The following QSER1 variants were observed in gnomAD, a reference collection of about 807,000 sequenced individuals.
The protein encoded by QSER1 is glutamine and serine-rich protein 1.
A neutral mutation model predicts 158.5 loss-of-function variants in QSER1; 49 were observed. That is an observed-to-expected ratio of 0.31 (90% CI 0.25 to 0.39). The LOEUF (loss-of-function observed/expected upper bound fraction) is 0.39, where lower values mean the gene tolerates loss of function less well. Among genes scored for constraint, QSER1 ranks in the 10% least tolerant of loss-of-function variants. The pLI is 1.00. For missense variants in QSER1, 1,754 were observed against 2,010.3 expected (o/e 0.87, Z 2.44); for synonymous variants, 650 against 715.5 (o/e 0.91, Z 1.46).
chr11:32,903,887 C>T (rs1851656050), intron 1 of QSER1, among the ~76,000 whole-genome samples: 1 of 152,170 alleles, frequency 6.6e-6, no homozygotes, highest in African/African-American at 2.4e-5. Context: ...GCTGGGATTA[C>T]AGGCATGAAC....
Position 32,933,739 on chromosome 11 carries a change from A to G in QSER1, c.2481A>G (p.Ile827Met). ...AGGTCCAGGAACAGCACGATCAAAT[A>G]ATTAATGCTTCATCTCAGATTCAAA... ...ESKVQEQHDQ[I>M]INASSQIQIP... The change falls in exon 4 of 13, where the codon ATA (isoleucine) becomes ATG (methionine). Residue 827 changes from isoleucine to methionine, a missense_variant. By Grantham distance (10) the Ile-to-Met change is conservative. Around this residue, in one of 2 missense-constraint regions of QSER1, gnomAD observed 1,707 missense variants for 1,919.6 expected, o/e 0.89. Transcript: ENST00000650167. 6.2e-7 allele frequency: 1 copy of G among 1,614,032 alleles called. No individual in the cohort carries two copies. Among genetic ancestry groups the G allele is most frequent in the Non-Finnish European group, 8.5e-7 (1 of 1,179,956 alleles).
rs1213482747 is a variant in QSER1 at position 32,932,893 on chromosome 11, T to C, written c.1635T>C (p.Asp545=). Residue 545 remains aspartate, a synonymous_variant, in exon 4 of 13, where the codon GAT becomes GAC. Transcript: ENST00000650167. The part of the protein sequence containing the change: ...TNENYPAQTR[D]LSSVSQSQSY... ...AGAATTACCCTGCTCAAACAAGAGA[T>C]CTGTCTTCAGTAAGTCAGTCTCAAA... is the stretch of plus-strand genomic sequence containing the variant. 3 of 1,613,988 alleles carry C rather than the reference T, an allele frequency of 1.9e-6. No individual in the cohort carries two copies. In the African/African-American group the frequency reaches 4.0e-5, roughly 22 times the overall value.
At chr11:32,971,696 G>A (rs905547685) in intron 10 of QSER1, among the ~76,000 whole-genome samples, 2 of 152,094 alleles carry the variant, frequency 1.3e-5, no homozygotes, top group African/African-American at 4.8e-5. Flanking sequence ...AAGTGTTATT[G>A]TTTCTATCAA....
At chr11:32,927,686 C>T (rs1590728784) in intron 2 of QSER1, among the ~76,000 whole-genome samples, 1 of 152,238 alleles carries the variant, frequency 6.6e-6, no homozygotes, top group South Asian at 2.1e-4. Context: ...GGATTACAGG[C>T]ATGAGCCGCC....
chr11:32,972,986 T>C (rs1170928614), intron 10 of QSER1, among the ~76,000 whole-genome samples: 1 of 152,202 alleles, frequency 6.6e-6, no homozygotes, highest in East Asian at 1.9e-4. Flanking sequence ...GTTTAAGTGG[T>C]AGGGCTTTAG....
chr11:32,947,220 G>A (rs1377843384), intron 4 of QSER1, among the ~76,000 whole-genome samples: 7 of 152,152 alleles, frequency 4.6e-5, no homozygotes, highest in South Asian at 4.1e-4. Flanking sequence ...GCTGTAGACC[G>A]GAGCTGTTCC....
chr11:32,934,006 T>C lies in QSER1; in HGVS notation c.2748T>C (p.His916=), dbSNP rs1028141552. 2.5e-6 allele frequency: 4 copies of C among 1,613,550 alleles called. No homozygotes were observed. The African/African-American group carries it at 4.0e-5, about 16-fold the overall frequency. Residue 916 remains histidine (H), a synonymous_variant, in exon 4 of 13, where the codon CAT becomes CAC. Transcript: ENST00000650167. The stretch of plus-strand genomic sequence containing the variant: ...GTGATCATTCTCAGCAGCAACTCCA[T>C]CCTCAAAATTCTGAAGTTATGAAAA... The part of the protein sequence containing the change: ...SNGDHSQQQL[H]PQNSEVMKMD...
chr11:32,954,697 T>A (rs1179525869), intron 5 of QSER1, among the ~76,000 whole-genome samples: 1 of 152,182 alleles, frequency 6.6e-6, no homozygotes, highest in South Asian at 2.1e-4. Flanking sequence ...ATGTATTTTT[T>A]AAAATAGAGA....
intron 8 of QSER1, among the ~76,000 whole-genome samples, chr11:32,964,991 G>T (rs1018819011): frequency 2.0e-5 from 3 of 151,806 alleles, no homozygotes; most frequent in African/African-American, 7.3e-5. Context: ...CTCCCAAGTA[G>T]CTGGGACTAC....
At chr11:32,914,489 T>C (rs549109105) in intron 1 of QSER1, among the ~76,000 whole-genome samples, 60 of 152,252 alleles carry the variant, frequency 3.9e-4, no homozygotes, top group Non-Finnish European at 6.9e-4. Flanking sequence ...AACAAAGTGA[T>C]ATGACTACTT....
In QSER1 at chr11:32,935,195, G is replaced by T. The variant is rs1369087957; in HGVS notation, c.3937G>T (p.Val1313Phe). Residue 1313 changes from valine to phenylalanine, a missense_variant, in exon 4 of 13, where the codon GTT (valine) becomes TTT (phenylalanine). By Grantham distance (50) the Val-to-Phe change is conservative (BLOSUM62 -1). Coordinates refer to ENST00000650167, the MANE Select transcript of QSER1 (RefSeq NM_001076786.3). ...NRTRRPGTQM[V>F]RTFCPPPLPK... Reference sequence around the variant, plus strand: ...GACTAGACGGCCAGGGACCCAGATGGTTCGTACATTTTGTCCCCCACCACT... The same window carrying T: ...GACTAGACGGCCAGGGACCCAGATGTTTCGTACATTTTGTCCCCCACCACT... 5.0e-6 allele frequency: 8 copies of T among 1,614,010 alleles called. No individual in the cohort carries two copies. Among genetic ancestry groups the T allele is most frequent in the African/African-American group, 1.3e-5 (1 of 75,050 alleles).
At chr11:32,965,244 T>C (rs1041508796) in intron 8 of QSER1, among the ~76,000 whole-genome samples, 4 of 152,118 alleles carry the variant, frequency 2.6e-5, no homozygotes, top group Admixed American at 6.5e-5. Context: ...CTTGAGTAGC[T>C]GGGAATAGTG....
chr11:32,933,353 C>A lies in QSER1; in HGVS notation c.2095C>A (p.Gln699Lys). 6.2e-7 allele frequency: 1 copy of A among 1,612,938 alleles called. No individual in the cohort carries two copies. Among genetic ancestry groups the A allele is most frequent in the Admixed American group, 1.7e-5 (1 of 59,826 alleles). The change falls in exon 4 of 13, where the codon CAG (glutamine) becomes AAG (lysine). Residue 699 changes from glutamine (Q) to lysine (K), a missense_variant. By Grantham distance (53) the Gln-to-Lys change is moderately conservative. This residue lies in a region of QSER1 where 1,707 missense variants were observed against 1,919.6 expected (regional missense o/e 0.89). Transcript: ENST00000650167. ...AGATGGTTTTCCAATGCAAGAGTTA[C>A]AGGTGTTGCAGCCACAAGCATCTCT... ...QEDGFPMQEL[Q>K]VLQPQASLES... is the part of the protein sequence containing the mutation.
chr11:32,940,747 T>A (rs1245125837), intron 4 of QSER1, among the ~76,000 whole-genome samples: 1 of 152,164 alleles, frequency 6.6e-6, no homozygotes, highest in Non-Finnish European at 1.5e-5. Flanking sequence ...CCTTAAGTTT[T>A]AGTCTCTTCT....
At position 32,932,096 on chromosome 11, in the gene QSER1, T is replaced by A. The variant is rs780550584; in HGVS notation, c.838T>A (p.Leu280Met). 2 of 1,614,202 alleles carry A rather than the reference T, an allele frequency of 1.2e-6. No homozygotes were observed. Among genetic ancestry groups the A allele is most frequent in the South Asian group, 2.2e-5 (2 of 91,086 alleles). ...APHLLQPQFS[L>M]LPSALGGSQQ... Reference sequence around the variant, plus strand: ...CCATCTTTTACAACCTCAATTTAGTTTGTTGCCTTCAGCACTTGGGGGATC... The same window carrying A: ...CCATCTTTTACAACCTCAATTTAGTATGTTGCCTTCAGCACTTGGGGGATC... The change falls in exon 4 of 13, where the codon TTG becomes ATG. Residue 280 changes from leucine (L) to methionine (M), a missense_variant. Physicochemically the swap from Leu to Met is conservative, Grantham distance 15. Transcript: ENST00000650167.
intron 1 of QSER1, among the ~76,000 whole-genome samples, chr11:32,906,117 T>A (rs1590710829): frequency 6.6e-6 from 1 of 151,482 alleles, no homozygotes; most frequent in South Asian, 2.1e-4. Flanking sequence ...TTTTTTTTTT[T>A]TTTTTTTAAG....
chr11:32,949,465 T>A (rs1475529112), intron 4 of QSER1, among the ~76,000 whole-genome samples: 2 of 152,230 alleles, frequency 1.3e-5, no homozygotes, highest in Non-Finnish European at 1.5e-5. Flanking sequence ...ACTGTCCATG[T>A]ATCCATGTAT....
At chr11:32,909,442 A>ATT (rs550466678) in intron 1 of QSER1, among the ~76,000 whole-genome samples, 6 of 140,640 alleles carry the variant, frequency 4.3e-5, no homozygotes, top group South Asian at 2.3e-4. Context: ...ACTCTAGATC[A>ATT]TTTTTTTTTT....
intron 12 of QSER1, chr11:32,975,604 C>G (rs906480343): frequency 2.4e-6 from 3 of 1,269,084 alleles, no homozygotes; most frequent in Non-Finnish European, 3.0e-6. Flanking sequence ...TGCTTTACAT[C>G]GCCATAATAA....
Sources: allele counts gnomAD v4.1 joint callset (sites outside exome capture counted in the v4.1 genomes callset), GRCh38; gene constraint gnomAD v4.1.1; regional missense constraint gnomAD v4.1.1; transcripts MANE v1.5; gene names NCBI Gene and HGNC (gene_info 2026-07-23, HGNC 2026-07-21).